Variants in VPS13B observed in about 807,000 individuals in gnomAD.
The protein encoded by VPS13B is intermembrane lipid transfer protein VPS13B.
VPS13B carries 285 observed loss-of-function variants against 426.4 expected under a neutral mutation model. That is an observed-to-expected ratio of 0.67 (90% confidence interval 0.61 to 0.74). The LOEUF (loss-of-function observed/expected upper bound fraction) is 0.74. VPS13B is among the 30% of genes least tolerant of loss of function. The pLI is 0.00. For missense variants in VPS13B, 4,537 were observed against 4,782.6 expected, an observed-to-expected ratio of 0.95 and a Z score of 1.51; for synonymous variants, 1,676 against 1,676.4, an observed-to-expected ratio of 1.00 and a Z score of 0.01.
At chr8:99,027,467 T>C (rs2132172255) in intron 2 of VPS13B, among the ~76,000 whole-genome samples, 1 of 152,254 alleles carries the variant, frequency 6.6e-6, no homozygotes, top group African/African-American at 2.4e-5. Context: ...TCTTCATGTT[T>C]TCATGATGGT....
chr8:99,232,910 C>G (rs1816420322), intron 17 of VPS13B: 4 of 580,254 alleles, frequency 6.9e-6, no homozygotes, highest in African/African-American at 5.6e-5. Context: ...TGCAGAGTCC[C>G]TGGCCGCCTC....
intron 12 of VPS13B, among the ~76,000 whole-genome samples, chr8:99,138,724 C>A (rs1810217243): frequency 6.6e-6 from 1 of 152,156 alleles, no homozygotes; most frequent in African/African-American, 2.4e-5. Flanking sequence ...AAGTGCAACT[C>A]AGAAGTCTTG....
chr8:99,275,209 T>G lies in VPS13B; in HGVS notation c.2779T>G (p.Phe927Val). 1 of 1,612,794 alleles carries G rather than the reference T, an allele frequency of 6.2e-7. No individual in the cohort carries two copies. Among genetic ancestry groups the G allele is most frequent in the Non-Finnish European group, 8.5e-7 (1 of 1,179,460 alleles). The change falls in exon 19 of 62, where the codon TTC becomes GTC. Residue 927 changes from phenylalanine (F) to valine (V), a missense_variant. By Grantham distance (50) the Phe-to-Val change is conservative. Coordinates refer to ENST00000357162, the MANE Select transcript of VPS13B (RefSeq NM_152564.5). Reference sequence around the variant, plus strand: ...TCTCTTAGCTCCAGATTTGATGGCCTTCACAATCCAAGTTCCACAATATAT... The same window carrying G: ...TCTCTTAGCTCCAGATTTGATGGCCGTCACAATCCAAGTTCCACAATATAT... ...ESLLAPDLMA[F>V]TIQVPQYIDY...
chr8:99,047,003 C>G lies in VPS13B; in HGVS notation c.291+8437C>G, dbSNP rs149949560. On this transcript the variant is annotated intron_variant, in intron 3 of 61. Transcript: ENST00000357162. ...CATGTAGTTTTCTTTTTTGTTATGT[C>G]CTTTCCTGGTTTTGGTATTAGGGTG... is the stretch of plus-strand genomic sequence containing the variant. Among the ~76,000 whole-genome samples, 539 of 152,076 alleles carry G rather than the reference C, an allele frequency of 3.5e-3. 2 individuals carry two copies. Among genetic ancestry groups the G allele is most frequent in the African/African-American group, 0.012 (515 of 41,506 alleles).
intron 3 of VPS13B, among the ~76,000 whole-genome samples, chr8:99,051,209 A>G (rs1219144706): frequency 6.6e-6 from 1 of 152,134 alleles, no homozygotes; most frequent in African/African-American, 2.4e-5. Flanking sequence ...TTTTTGTATA[A>G]GGTGTAAGGA....
chr8:99,729,184 A>G (rs1163720615), intron 39 of VPS13B, among the ~76,000 whole-genome samples: 1 of 152,150 alleles, frequency 6.6e-6, no homozygotes, highest in Non-Finnish European at 1.5e-5. Context: ...AGCTTTACAG[A>G]AATTTCCCAG....
At position 99,871,780 on chromosome 8, in the gene VPS13B, C is replaced by T. The variant is rs1219685661; in HGVS notation, c.11745+83C>T. 1.4e-5 allele frequency: 22 copies of T among 1,603,824 alleles called. No homozygotes were observed. In the East Asian group the frequency reaches 4.2e-4, roughly 31 times the overall value. ...GCTGGTCACTGGTACCTAGGCATTT[C>T]TGAGCTGCAGCCTCTGGAGTGGCTG... is the stretch of plus-strand genomic sequence containing the variant. On this transcript the variant is annotated intron_variant, in intron 61 of 61. Transcript: ENST00000357162.
rs532747577 is a variant in VPS13B, at chr8:99,141,156, G to C, written c.1652-1818G>C. On this transcript the variant is annotated intron_variant, in intron 12 of 61. Transcript: ENST00000357162. ...GAAAGAGTCTTGACTCTTAATAAGG[G>C]CAGCCAAACATTCAGGGAGCTGGAG... Among the ~76,000 whole-genome samples, 4 of 152,266 alleles carry C rather than the reference G, an allele frequency of 2.6e-5. No homozygotes were observed. The East Asian group carries it at 7.7e-4, about 29-fold the overall frequency.
intron 33 of VPS13B, among the ~76,000 whole-genome samples, chr8:99,639,871 T>G (rs1364841826): frequency 6.7e-6 from 1 of 148,688 alleles, no homozygotes; most frequent in Non-Finnish European, 1.5e-5. Flanking sequence ...CTCCGAAGGC[T>G]GAAATGGGAG....
chr8:99,121,535 C>T (rs1588061059), intron 8 of VPS13B, 90 bp downstream of exon 8: 2 of 1,567,270 alleles, frequency 1.3e-6, no homozygotes, highest in South Asian at 2.4e-5. Flanking sequence ...TTCAAGTTTG[C>T]TTTGCATTCA....
At chr8:99,600,185 T>C (rs558070190) in intron 33 of VPS13B, among the ~76,000 whole-genome samples, 2 of 152,252 alleles carry the variant, frequency 1.3e-5, no homozygotes, top group African/African-American at 4.8e-5. Context: ...GTAGTCTAAG[T>C]GTTTTATATA....
chr8:99,331,988 A>G (rs1810569967), intron 19 of VPS13B, among the ~76,000 whole-genome samples: 1 of 151,804 alleles, frequency 6.6e-6, no homozygotes, highest in South Asian at 2.1e-4. Context: ...TAAAAAATTT[A>G]TCTCAAAATC....
intron 4 of VPS13B, among the ~76,000 whole-genome samples, chr8:99,098,532 T>TA (rs1319872222): frequency 6.6e-6 from 1 of 152,182 alleles, no homozygotes; most frequent in Non-Finnish European, 1.5e-5. Context: ...TTTGGTTTGA[T>TA]ATTTAGGTTA....
chr8:99,292,389 C>T (rs1026014331), intron 19 of VPS13B, among the ~76,000 whole-genome samples: 1 of 152,076 alleles, frequency 6.6e-6, no homozygotes, highest in African/African-American at 2.4e-5. Context: ...AAATAAGATG[C>T]CTGCATACAT....
At chr8:99,194,607 A>T (rs536501350) in intron 17 of VPS13B, among the ~76,000 whole-genome samples, 15 of 152,152 alleles carry the variant, frequency 9.9e-5, no homozygotes, top group East Asian at 1.9e-4. Context: ...TTCCTTCTTT[A>T]TTTAAGGCAG....
chr8:99,829,980 C>A (rs1056070507), intron 51 of VPS13B, among the ~76,000 whole-genome samples: 6 of 152,202 alleles, frequency 3.9e-5, no homozygotes, highest in Non-Finnish European at 8.8e-5. Context: ...AGCTTTATCC[C>A]AGAGGGGCAC....
chr8:99,229,551 G>A (rs1816208659), intron 17 of VPS13B, among the ~76,000 whole-genome samples: 1 of 152,126 alleles, frequency 6.6e-6, no homozygotes, highest in African/African-American at 2.4e-5. Flanking sequence ...GGCTGGGTAT[G>A]GGTGATAGGA....
intron 16 of VPS13B, among the ~76,000 whole-genome samples, chr8:99,182,095 C>T (rs1285907181): frequency 6.6e-6 from 1 of 152,060 alleles, no homozygotes; most frequent in African/African-American, 2.4e-5. Context: ...CAGCTTTATT[C>T]AAAATAATCC....
chr8:99,604,957 T>G (rs2133864386), intron 33 of VPS13B, among the ~76,000 whole-genome samples: 1 of 152,354 alleles, frequency 6.6e-6, no homozygotes, highest in South Asian at 2.1e-4. Context: ...AACATTTTAT[T>G]GAAAGATGTG....
Sources: gnomAD v4.1 joint callset for allele counts (sites outside exome capture counted in the v4.1 genomes callset) on GRCh38, gnomAD v4.1.1 for gene constraint, MANE v1.5 for transcripts, NCBI Gene and HGNC (gene_info 2026-07-23, HGNC 2026-07-21) for gene names.